Variants in ELOVL5 observed in about 807,000 individuals in gnomAD.
The protein encoded by ELOVL5 is ELOVL fatty acid elongase 5.
Under a neutral mutation model 38.6 loss-of-function variants are expected in ELOVL5, and 8 were observed. The observed-to-expected ratio is 0.21, with a 90% CI of 0.12 to 0.37. ELOVL5 has a LOEUF of 0.37. Among genes scored for constraint, ELOVL5 ranks in the 10% least tolerant of loss-of-function variants. The pLI, the probability that ELOVL5 is intolerant of heterozygous loss-of-function variation, is 1.00. For missense variants in ELOVL5, 280 were observed against 367.8 expected, an observed-to-expected ratio of 0.76 and a Z score of 1.95; for synonymous variants, 127 against 133.7, an observed-to-expected ratio of 0.95 and a Z score of 0.34.
rs778308983 is a variant in ELOVL5, at chr6:53,276,264, A to G, written c.247-8T>C. On this transcript the variant is annotated splice_region_variant and splice_polypyrimidine_tract_variant and intron_variant, in intron 3 of 7. Transcript: ENST00000304434. ...CCATACTCCTGTTACTAACTAAAAA[A>G]GAAGAAAGAGCCAGTCACCAACAGC... is the stretch of plus-strand genomic sequence containing the variant. 2 of 1,594,668 alleles carry G rather than the reference A, an allele frequency of 1.3e-6. No individual in the cohort carries two copies. Among genetic ancestry groups the G allele is most frequent in the Admixed American group, 3.3e-5 (2 of 59,978 alleles).
intron 2 of ELOVL5, among the ~76,000 whole-genome samples, chr6:53,292,244 A>G (rs189088017): frequency 6.6e-5 from 10 of 152,346 alleles, no homozygotes; most frequent in African/African-American, 2.2e-4. Flanking sequence ...AACAAGGAGA[A>G]GGCTACACTT....
At chr6:53,287,879 G>A (rs1443493909) in intron 3 of ELOVL5, 6 of 1,535,622 alleles carry the variant, frequency 3.9e-6, no homozygotes, top group African/African-American at 1.4e-5. Context: ...TCTGGCAGCT[G>A]CTGCTGAGTC....
intron 1 of ELOVL5, among the ~76,000 whole-genome samples, chr6:53,310,629 G>T (rs928905012): frequency 1.3e-5 from 2 of 152,080 alleles, no homozygotes; most frequent in African/African-American, 4.8e-5. Context: ...TGGAGACAGG[G>T]TCTCGCTCTG....
intron 1 of ELOVL5, among the ~76,000 whole-genome samples, chr6:53,347,054 G>A (rs780869258): frequency 6.6e-6 from 1 of 152,118 alleles, no homozygotes; most frequent in Non-Finnish European, 1.5e-5. Context: ...AGGAGGTGAG[G>A]TCAATATCTG....
intron 1 of ELOVL5, among the ~76,000 whole-genome samples, chr6:53,302,227 C>G (rs1313074107): frequency 6.6e-6 from 1 of 152,214 alleles, no homozygotes; most frequent in East Asian, 1.9e-4. Context: ...TCAACTCCCT[C>G]CAGGGGCAAG....
intron 5 of ELOVL5, 135 bp from the exon 6 acceptor site, chr6:53,273,479 C>T: frequency 2.6e-6 from 2 of 754,994 alleles, no homozygotes; most frequent in Non-Finnish European, 2.1e-6. Flanking sequence ...ACAAACACTG[C>T]AACAGCAAGC....
In ELOVL5 at chr6:53,294,337, T is replaced by A. The variant is rs780292619; in HGVS notation, c.58+1305A>T. The A allele has an allele frequency of 4.4e-6, 7 of 1,576,796 alleles. No homozygotes were observed. In the South Asian group the frequency reaches 8.2e-5, roughly 18 times the overall value. On this transcript the variant is annotated intron_variant, in intron 2 of 7. Transcript: ENST00000304434. ...CCAGTGAGTTTTGAGGGATGACAGC[T>A]GGCAAAGAGCTCTGGGAAACAACTT...
At chr6:53,305,108 ACCCCCCCAC>A (rs1767439193) in intron 1 of ELOVL5, among the ~76,000 whole-genome samples, 2 of 109,016 alleles carry the variant, frequency 1.8e-5, no homozygotes, top group African/African-American at 3.5e-5. Flanking sequence ...CAGGGGGCTG[ACCCCCCCAC>A]CTCCCTCCCA....
chr6:53,320,765 C>A (rs1768272965), intron 1 of ELOVL5, among the ~76,000 whole-genome samples: 1 of 152,100 alleles, frequency 6.6e-6, no homozygotes, highest in Admixed American at 6.5e-5. Context: ...TTGCAGGCAG[C>A]CTTAAAAAGT....
At chr6:53,300,623 T>C (rs1199517648) in intron 1 of ELOVL5, among the ~76,000 whole-genome samples, 1 of 152,058 alleles carries the variant, frequency 6.6e-6, no homozygotes, top group African/African-American at 2.4e-5. Context: ...GGTGTTCCAT[T>C]TAGAGGCACA....
In ELOVL5 at chr6:53,267,670, C is replaced by T. The variant is rs951063334; in HGVS notation, c.*1457G>A. 22 of 152,524 alleles carry T rather than the reference C, an allele frequency of 1.4e-4. No homozygotes were observed. The highest frequency in any genetic ancestry group is 4.8e-4 in the African/African-American group (20 of 41,426). 9.4% of individuals were successfully genotyped at this position (152,524 alleles called of 1,614,324 possible). On this transcript the variant is annotated 3_prime_UTR_variant, in exon 8 of 8. Coordinates refer to ENST00000304434, the MANE Select transcript of ELOVL5 (RefSeq NM_021814.5). ...AGACTAATAGAGAACCAATAGGCTC[C>T]CTATAGTACGAATGTGCAAAATTAA...
chr6:53,347,191 T>G (rs1363071126), intron 1 of ELOVL5, among the ~76,000 whole-genome samples: 1 of 152,158 alleles, frequency 6.6e-6, no homozygotes, highest in Non-Finnish European at 1.5e-5. Flanking sequence ...AAATTTCCCC[T>G]TTGTCTTCAA....
At chr6:53,272,710 G>A (rs964234000) in intron 6 of ELOVL5, among the ~76,000 whole-genome samples, 4 of 152,174 alleles carry the variant, frequency 2.6e-5, no homozygotes, top group Admixed American at 2.0e-4. Flanking sequence ...GCTGTTAACT[G>A]AAGCAAACAG....
At chr6:53,271,217 T>C (rs773726421) in intron 6 of ELOVL5, among the ~76,000 whole-genome samples, 20 of 152,190 alleles carry the variant, frequency 1.3e-4, no homozygotes, top group Non-Finnish European at 2.5e-4. Context: ...TTGAAACGCA[T>C]GTGAACTGGT....
chr6:53,274,595 T>C (rs1383997800), intron 5 of ELOVL5, among the ~76,000 whole-genome samples: 3 of 152,230 alleles, frequency 2.0e-5, no homozygotes, highest in Non-Finnish European at 4.4e-5. Context: ...AGAAAATTTA[T>C]ATCAAGTTTT....
intron 2 of ELOVL5, among the ~76,000 whole-genome samples, chr6:53,292,597 C>G (rs539205209): frequency 6.6e-6 from 1 of 152,352 alleles, no homozygotes; most frequent in South Asian, 2.1e-4. Flanking sequence ...TCAAGACCAG[C>G]CTGGCCAACA....
intron 1 of ELOVL5, among the ~76,000 whole-genome samples, chr6:53,315,780 C>A (rs529053085): frequency 6.6e-6 from 1 of 152,180 alleles, no homozygotes; most frequent in Non-Finnish European, 1.5e-5. Flanking sequence ...AAGTTAAAAA[C>A]CCTAGCTGTC....
intron 1 of ELOVL5, among the ~76,000 whole-genome samples, chr6:53,343,180 T>C (rs1421984137): frequency 6.6e-6 from 1 of 151,194 alleles, no homozygotes; most frequent in Non-Finnish European, 1.5e-5. Flanking sequence ...TCAACTGTTC[T>C]GACATTTTCC....
intron 1 of ELOVL5, among the ~76,000 whole-genome samples, chr6:53,339,102 A>G (rs1769210249): frequency 6.6e-6 from 1 of 152,184 alleles, no homozygotes; most frequent in East Asian, 1.9e-4. Context: ...GAGGAGAGGG[A>G]GAAGCAAAGT....
Sources: gnomAD v4.1 joint callset for allele counts (sites outside exome capture counted in the v4.1 genomes callset) on GRCh38, gnomAD v4.1.1 for gene constraint, MANE v1.5 for transcripts, NCBI Gene and HGNC (gene_info 2026-07-23, HGNC 2026-07-21) for gene names.